DRC1: variants seen among roughly 807,000 people sequenced by gnomAD.
The protein encoded by DRC1 is dynein regulatory complex subunit 1, also known as dynein regulatory complex protein 1.
Under a neutral mutation model 98.7 loss-of-function variants are expected in DRC1, and 74 were observed. The ratio of observed to expected loss-of-function variants is 0.75; its 90% confidence interval spans 0.62 to 0.91. The LOEUF (loss-of-function observed/expected upper bound fraction) is 0.91, where lower values mean the gene tolerates loss of function less well. DRC1 is among the 40% of genes least tolerant of loss of function. The pLI is 0.00. For missense variants in DRC1, 875 were observed against 886.0 expected, an observed-to-expected ratio of 0.99 and a Z score of 0.16; for synonymous variants, 336 against 334.1, an observed-to-expected ratio of 1.01 and a Z score of -0.06.
chr2:26,437,717 T>C (rs1420517801), intron 7 of DRC1, among the ~76,000 whole-genome samples: 1 of 152,110 alleles, frequency 6.6e-6, no homozygotes. Context: ...TAACTATATA[T>C]ATATACACAC....
intron 2 of DRC1, among the ~76,000 whole-genome samples, chr2:26,420,486 A>G (rs1338430973): frequency 6.6e-6 from 1 of 152,178 alleles, no homozygotes; most frequent in Non-Finnish European, 1.5e-5. Context: ...AGTCACTTGG[A>G]GATCTGCTGG....
rs1381828810 is a variant in DRC1, at chr2:26,456,670, G to A, written c.*153G>A. The A allele has an allele frequency of 1.0e-5, 8 of 788,944 alleles. No individual in the cohort carries two copies. Among genetic ancestry groups the A allele is most frequent in the Non-Finnish European group, 1.6e-5 (8 of 489,016 alleles). The allele number at this position is 788,944 out of a possible 1,614,324, so 48.9% of individuals were successfully genotyped here. On this transcript the variant is annotated 3_prime_UTR_variant, in exon 17 of 17. Transcript: ENST00000288710. Reference sequence around the variant, plus strand: ...CCTGTCGAAATAAGGAGCCAGAGGAGTTACCTGTGTCCTGCATTATGATTA... The same window carrying A: ...CCTGTCGAAATAAGGAGCCAGAGGAATTACCTGTGTCCTGCATTATGATTA...
intron 13 of DRC1, among the ~76,000 whole-genome samples, chr2:26,452,746 G>T (rs967712590): frequency 2.0e-5 from 3 of 152,134 alleles, no homozygotes; most frequent in Admixed American, 2.0e-4. Context: ...CACATGAAAA[G>T]GTACCTAAGG....
At chr2:26,449,822 G>A (rs767466292) in intron 11 of DRC1, among the ~76,000 whole-genome samples, 174 bp from the exon 12 acceptor site, 9 of 152,100 alleles carry the variant, frequency 5.9e-5, no homozygotes, top group Non-Finnish European at 8.8e-5. Context: ...CTGGGGAGGG[G>A]GGCGTTCATG....
chr2:26,407,898 G>A (rs536384918), intron 1 of DRC1, among the ~76,000 whole-genome samples: 1 of 152,306 alleles, frequency 6.6e-6, no homozygotes, highest in Non-Finnish European at 1.5e-5. Flanking sequence ...CCGTGCACAT[G>A]TAAGCCTAAT....
intron 7 of DRC1, among the ~76,000 whole-genome samples, chr2:26,438,087 CAAAAAAAAAAAAAAA>C (rs61571007): frequency 7.4e-4 from 37 of 50,118 alleles, no homozygotes; most frequent in African/African-American, 1.9e-3. Flanking sequence ...GACTCTATCT[CAAAAAAAAAAAAAAA>C]AAAAAAAAAG....
At chr2:26,404,005 C>A (rs1271646933) in intron 1 of DRC1, among the ~76,000 whole-genome samples, 1 of 151,690 alleles carries the variant, frequency 6.6e-6, no homozygotes, top group African/African-American at 2.4e-5. Context: ...GAGACTGAGG[C>A]AGGAGAATCG....
intron 4 of DRC1, among the ~76,000 whole-genome samples, chr2:26,426,591 T>C (rs1406279202): frequency 2.6e-5 from 4 of 152,082 alleles, no homozygotes; most frequent in Non-Finnish European, 4.4e-5. Context: ...AGTCTCGAAC[T>C]CCTGACCTCA....
intron 10 of DRC1, among the ~76,000 whole-genome samples, chr2:26,447,883 A>G (rs113587948): frequency 1.9e-4 from 29 of 151,428 alleles, no homozygotes; most frequent in Non-Finnish European, 3.5e-4. Flanking sequence ...GTTAATTTTA[A>G]TTAAGAAAAT....
chr2:26,451,529 G>A (rs1227337160), intron 13 of DRC1, among the ~76,000 whole-genome samples: 2 of 152,172 alleles, frequency 1.3e-5, no homozygotes, highest in Non-Finnish European at 2.9e-5. Context: ...AGAGTTGGCT[G>A]GGCTAGGCAC....
At position 26,455,175 on chromosome 2, in the gene DRC1, C is replaced by T; in HGVS notation, c.2108C>T (p.Ser703Phe). The T allele has an allele frequency of 6.2e-7, 1 of 1,614,108 alleles. No homozygotes were observed. The highest frequency in any genetic ancestry group is 8.5e-7 in the Non-Finnish European group (1 of 1,180,042). Reference sequence around the variant, plus strand: ...GCCAAGCTGCTGCTGGAAAACAGTTCTCTGGAGCAGCAGAACACAGAGCTG... The same window carrying T: ...GCCAAGCTGCTGCTGGAAAACAGTTTTCTGGAGCAGCAGAACACAGAGCTG... ...QRAKLLLENSSLEQQNTELQA... is the reference protein window; with the variant it reads ...QRAKLLLENSFLEQQNTELQA... Residue 703 changes from serine to phenylalanine, a missense_variant, in exon 16 of 17, where the codon TCT becomes TTT. By Grantham distance (155) the Ser-to-Phe change is radical. Transcript: ENST00000288710.
chr2:26,420,005 C>A (rs1663083753), intron 2 of DRC1, among the ~76,000 whole-genome samples: 1 of 152,162 alleles, frequency 6.6e-6, no homozygotes, highest in Non-Finnish European at 1.5e-5. Context: ...GTTTCTCTGT[C>A]TCAACAGTTC....
chr2:26,445,761 C>T (rs545812826), intron 10 of DRC1, among the ~76,000 whole-genome samples: 2 of 152,088 alleles, frequency 1.3e-5, no homozygotes, highest in Non-Finnish European at 2.9e-5. Context: ...CGGGTTCAAG[C>T]AATTCCCCTG....
In DRC1 at chr2:26,454,097, G is replaced by A. The variant is rs1664079010; in HGVS notation, c.1919+548G>A. ...TGGGGAGCTAGCCAGGTCTTGGAGA[G>A]CCTTGCCCAATGTGCCCAAGATCTT... On this transcript the variant is annotated intron_variant, in intron 14 of 16. Coordinates refer to ENST00000288710, the MANE Select transcript of DRC1 (RefSeq NM_145038.5). The surrounding 1 kb of genome is among the most constrained non-coding windows in gnomAD (Gnocchi z 5.2). Among the ~76,000 whole-genome samples the A allele has an allele frequency of 6.6e-6, 1 of 152,168 alleles. No homozygotes were observed. The highest frequency in any genetic ancestry group is 1.9e-4 in the East Asian group (1 of 5,196).
At chr2:26,428,081 G>A (rs1253439858) in intron 4 of DRC1, among the ~76,000 whole-genome samples, 1 of 152,168 alleles carries the variant, frequency 6.6e-6, no homozygotes, top group Non-Finnish European at 1.5e-5. Context: ...AGTTCTAACA[G>A]GTTTTCCTGT....
chr2:26,415,988 C>A (rs1678789855), intron 2 of DRC1, among the ~76,000 whole-genome samples: 1 of 147,084 alleles, frequency 6.8e-6, no homozygotes, highest in African/African-American at 2.5e-5. Flanking sequence ...CTGTGTAGGA[C>A]AAAAGGATAT....
intron 4 of DRC1, 126 bp from the exon 5 acceptor site, chr2:26,429,502 A>G: frequency 4.6e-6 from 6 of 1,292,070 alleles, no homozygotes; most frequent in Non-Finnish European, 6.4e-6. Flanking sequence ...CACTGTGCGC[A>G]GCCCTCTTTG....
intron 16 of DRC1, 58 bp downstream of exon 16, chr2:26,455,291 C>G (rs529494282): frequency 3.3e-6 from 5 of 1,537,142 alleles, no homozygotes; most frequent in Non-Finnish European, 4.5e-6. Flanking sequence ...GGCAGGGGCA[C>G]TGGAGCTGGG....
intron 1 of DRC1, among the ~76,000 whole-genome samples, chr2:26,410,842 A>AAAC (rs1046517756): frequency 1.3e-5 from 2 of 152,182 alleles, no homozygotes; most frequent in African/African-American, 4.8e-5. Flanking sequence ...AAACAAAACA[A>AAAC]AACAAAAACA....
Sources: allele counts gnomAD v4.1 joint callset (sites outside exome capture counted in the v4.1 genomes callset), GRCh38; gene constraint gnomAD v4.1.1; non-coding constraint Gnocchi (gnomAD v3.1); transcripts MANE v1.5; gene names NCBI Gene and HGNC (gene_info 2026-07-23, HGNC 2026-07-21).